The following DCUN1D4 variants were observed in gnomAD, a reference collection of about 807,000 sequenced individuals.
DCUN1D4 encodes the protein defective in cullin neddylation 1 domain containing 4.
In DCUN1D4, 22 loss-of-function variants were observed where a neutral mutation model predicts 47.9. The observed-to-expected ratio is 0.46, with a 90% CI of 0.33 to 0.66. DCUN1D4 has a LOEUF of 0.66. DCUN1D4 is among the 30% of genes least tolerant of loss of function. The pLI, the probability that DCUN1D4 is intolerant of heterozygous loss-of-function variation, is 0.02. For missense variants in DCUN1D4, 301 were observed against 340.8 expected, an observed-to-expected ratio of 0.88 and a Z score of 0.92; for synonymous variants, 121 against 112.2, an observed-to-expected ratio of 1.08 and a Z score of -0.50.
At chr4:51,880,694 G>C (rs937479515) in intron 5 of DCUN1D4, among the ~76,000 whole-genome samples, 2 of 152,084 alleles carry the variant, frequency 1.3e-5, no homozygotes, top group African/African-American at 4.8e-5. Context: ...TTTTCCTCCT[G>C]TTCTCTGGTT....
intron 5 of DCUN1D4, 121 bp downstream of exon 5, chr4:51,877,975 C>G: frequency 5.9e-6 from 3 of 512,056 alleles, no homozygotes; most frequent in South Asian, 3.3e-5. Context: ...GTGTGTGTCC[C>G]TGTTAGAGGG....
chr4:51,912,541 T>A (rs1240810097), intron 9 of DCUN1D4, among the ~76,000 whole-genome samples: 1 of 152,234 alleles, frequency 6.6e-6, no homozygotes, highest in African/African-American at 2.4e-5. Flanking sequence ...ACTATGTTTC[T>A]GATTTTAGTG....
the DCUN1D4 span, among the ~76,000 whole-genome samples, chr4:51,835,913 T>G: frequency 2.4e-4 from 37 of 152,298 alleles, no homozygotes; most frequent in East Asian, 6.4e-3. Flanking sequence ...TCTTGCTTCA[T>G]GTAAAGTACC....
At chr4:51,889,050 A>G (rs1730005001) in intron 6 of DCUN1D4, among the ~76,000 whole-genome samples, 1 of 152,190 alleles carries the variant, frequency 6.6e-6, no homozygotes, top group African/African-American at 2.4e-5. Context: ...TGGAGGTTGC[A>G]GTGAGCCGAG....
chr4:51,904,668 G>A (rs747606392), intron 8 of DCUN1D4, among the ~76,000 whole-genome samples: 6 of 152,042 alleles, frequency 3.9e-5, no homozygotes, highest in Admixed American at 2.0e-4. Flanking sequence ...GTCCTGTGTT[G>A]CCTGTTTTTC....
At chr4:51,838,141 C>T (rs749302557), upstream of DCUN1D4, among the ~76,000 whole-genome samples, 17 of 152,142 alleles carry the variant, frequency 1.1e-4, no homozygotes, top group Non-Finnish European at 2.2e-4. Context: ...CACTGCACTC[C>T]AGCCTGGGTT....
rs115649570 is a variant in DCUN1D4 at position 51,847,650 on chromosome 4, C to T, written c.25+4383C>T. 5.4e-3 allele frequency among the ~76,000 whole-genome samples: 807 copies of T among 149,616 alleles called. 6 individuals are homozygous for T. The highest frequency in any genetic ancestry group is 0.019 in the African/African-American group (753 of 40,668). ...GTTTTTTTTTTTTTAGAGGTTGGGT[C>T]TTGTTATGTTGCCTAGGCTGGACTC... On this transcript the variant is annotated intron_variant, in intron 1 of 10. Transcript: ENST00000334635.
intron 6 of DCUN1D4, among the ~76,000 whole-genome samples, chr4:51,890,020 TCTCA>T (rs1358047911): frequency 1.3e-5 from 2 of 152,224 alleles, no homozygotes; most frequent in Non-Finnish European, 2.9e-5. Flanking sequence ...TTTCGTAGGT[TCTCA>T]CTGATATTAA....
At chr4:51,885,538 CAGA>C (rs1344385153) in intron 5 of DCUN1D4, among the ~76,000 whole-genome samples, 2 of 126,368 alleles carry the variant, frequency 1.6e-5, no homozygotes, top group African/African-American at 4.7e-5. Flanking sequence ...AGGTTTGAAG[CAGA>C]AGATGAGTGT....
chr4:51,840,799 A>C (rs1016859799), upstream of DCUN1D4, among the ~76,000 whole-genome samples: 12 of 152,218 alleles, frequency 7.9e-5, no homozygotes, highest in Non-Finnish European at 1.8e-4. Context: ...TAGTCATTTT[A>C]TTATACTTTG....
chr4:51,843,187 G>C lies in DCUN1D4; in HGVS notation c.-56G>C, dbSNP rs924004132. 2.3e-5 allele frequency: 36 copies of C among 1,535,940 alleles called. No homozygotes were observed. The highest frequency in any genetic ancestry group is 3.1e-5 in the Non-Finnish European group (35 of 1,142,026). On this transcript the variant is annotated 5_prime_UTR_variant, in exon 1 of 11. Coordinates refer to ENST00000334635, the MANE Select transcript of DCUN1D4 (RefSeq NM_001040402.3). ...CCGAGGTGCAGTGAGCTGGTGGGGGGACCGCGAGGCGAGCGCGGGAGCCTG... is the reference window on the plus strand; with the variant it reads ...CCGAGGTGCAGTGAGCTGGTGGGGGCACCGCGAGGCGAGCGCGGGAGCCTG...
chr4:51,904,941 C>G (rs916705486), intron 8 of DCUN1D4, among the ~76,000 whole-genome samples: 15 of 152,006 alleles, frequency 9.9e-5, no homozygotes, highest in Non-Finnish European at 1.9e-4. Context: ...TATTATATTG[C>G]AACTGACAAT....
intron 8 of DCUN1D4, among the ~76,000 whole-genome samples, chr4:51,907,563 A>G (rs1733089565): frequency 6.6e-6 from 1 of 152,120 alleles, no homozygotes; most frequent in African/African-American, 2.4e-5. Flanking sequence ...TGACTTCACC[A>G]TTTATGTTTG....
At chr4:51,862,827 A>AG (rs1462033897) in intron 1 of DCUN1D4, among the ~76,000 whole-genome samples, 2 of 151,924 alleles carry the variant, frequency 1.3e-5, no homozygotes, top group African/African-American at 4.8e-5. Context: ...TGGGAAACAT[A>AG]GAAAGACCCT....
chr4:51,870,140 A>AT (rs1181646382), intron 3 of DCUN1D4, among the ~76,000 whole-genome samples: 1 of 152,058 alleles, frequency 6.6e-6, no homozygotes, highest in Non-Finnish European at 1.5e-5. Context: ...AAAATAGCTC[A>AT]TTTTCTGAAG....
At chr4:51,904,024 T>A (rs2110113635) in intron 8 of DCUN1D4, among the ~76,000 whole-genome samples, 1 of 152,340 alleles carries the variant, frequency 6.6e-6, no homozygotes, top group East Asian at 1.9e-4. Context: ...CCAGCTTCTT[T>A]GCATTGCTTG....
chr4:51,848,380 G>C, intron 1 of DCUN1D4: 6 of 1,164,058 alleles, frequency 5.2e-6, no homozygotes, highest in Non-Finnish European at 5.4e-6. Context: ...CTGATGTTAA[G>C]GGGCCTAGAG....
intron 10 of DCUN1D4, 44 bp from the exon 11 acceptor site, chr4:51,913,482 ATTG>A (rs1200734799): frequency 2.6e-6 from 4 of 1,533,128 alleles, no homozygotes; most frequent in East Asian, 4.7e-5. Flanking sequence ...TATTATTATT[ATTG>A]TTATTATTAT....
intron 1 of DCUN1D4, 92 bp downstream of exon 1, chr4:51,843,359 C>T: frequency 7.1e-7 from 1 of 1,416,202 alleles, no homozygotes; most frequent in Non-Finnish European, 9.3e-7. Context: ...CGCCTCGGGT[C>T]CCGAAACGCG....
Sources: gnomAD v4.1 joint callset for allele counts (sites outside exome capture counted in the v4.1 genomes callset) on GRCh38, gnomAD v4.1.1 for gene constraint, MANE v1.5 for transcripts, NCBI Gene and HGNC (gene_info 2026-07-23, HGNC 2026-07-21) for gene names.